Variants in MYO5B observed in about 807,000 individuals in gnomAD.
MYO5B encodes unconventional myosin-Vb.
A neutral mutation model predicts 229.3 loss-of-function variants in MYO5B; 143 were observed. That is an observed-to-expected ratio of 0.62 (90% CI 0.54 to 0.72). MYO5B has a LOEUF of 0.72. Among genes scored for constraint, MYO5B ranks in the 30% least tolerant of loss-of-function variants. MYO5B has a pLI of 0.00. For synonymous variants in MYO5B, 918 were observed against 885.2 expected, an observed-to-expected ratio of 1.04 and a Z score of -0.66; for missense variants, 2,321 against 2,331.0, an observed-to-expected ratio of 1.00 and a Z score of 0.09.
Position 49,823,144 on chromosome 18 carries a change from A to C in MYO5B, c.*3327T>G, listed in dbSNP as rs2023791404. On this transcript the variant is annotated 3_prime_UTR_variant, in exon 40 of 40. Coordinates refer to ENST00000285039, the MANE Select transcript of MYO5B (RefSeq NM_001080467.3). Reference sequence around the variant, plus strand: ...GTTAGAATTAGAAATTTTTTGAAAAACAATCTTTTGTATCTAATGACCTTT... The same window carrying C: ...GTTAGAATTAGAAATTTTTTGAAAACCAATCTTTTGTATCTAATGACCTTT... 1 of 152,232 alleles carries C rather than the reference A, an allele frequency of 6.6e-6. No individual in the cohort carries two copies. The highest frequency in any genetic ancestry group is 1.5e-5 in the Non-Finnish European group (1 of 68,046). The allele number at this position is 152,232 out of a possible 1,614,324, so 9.4% of individuals were successfully genotyped here.
At chr18:49,887,914 C>G (rs1021364121) in intron 22 of MYO5B, among the ~76,000 whole-genome samples, 1 of 152,048 alleles carries the variant, frequency 6.6e-6, no homozygotes, top group African/African-American at 2.4e-5. Context: ...TCTGGAACTC[C>G]TGACCTTGTG....
chr18:50,034,882 A>G (rs2026431603), intron 4 of MYO5B, among the ~76,000 whole-genome samples: 1 of 152,246 alleles, frequency 6.6e-6, no homozygotes, highest in Non-Finnish European at 1.5e-5. Context: ...TTAGGGACCC[A>G]GTGGTAAAAC....
intron 17 of MYO5B, among the ~76,000 whole-genome samples, chr18:49,915,413 C>T (rs1307782891): frequency 2.0e-5 from 3 of 152,206 alleles, no homozygotes; most frequent in South Asian, 2.1e-4. Context: ...CCGTATTCAG[C>T]TCAGAGCTCA....
chr18:49,971,767 T>C lies in MYO5B; in HGVS notation c.1322+2583A>G, dbSNP rs557276908. ...GCTAGCTTGTTCACTCTGAATTCCC[T>C]TGTATCTAACTTGTTATCCTTAACT... On this transcript the variant is annotated intron_variant, in intron 10 of 39. Coordinates refer to ENST00000285039, the MANE Select transcript of MYO5B (RefSeq NM_001080467.3). Among the ~76,000 whole-genome samples the C allele has an allele frequency of 1.2e-4, 19 of 152,356 alleles. No homozygotes were observed. The South Asian group carries it at 3.7e-3, about 30-fold the overall frequency.
chr18:50,117,464 T>C (rs1285688249), intron 1 of MYO5B, among the ~76,000 whole-genome samples: 1 of 152,136 alleles, frequency 6.6e-6, no homozygotes, highest in Non-Finnish European at 1.5e-5. Flanking sequence ...ACATTAGTTA[T>C]GGAATTTTCA....
At chr18:49,859,541 GC>G (rs1243775504) in intron 29 of MYO5B, among the ~76,000 whole-genome samples, 4 of 152,214 alleles carry the variant, frequency 2.6e-5, no homozygotes, top group African/African-American at 9.6e-5. Flanking sequence ...CAACCTCCTA[GC>G]ATATTCCCTG....
In MYO5B at chr18:49,937,963, T is replaced by C. The variant is rs534503365; in HGVS notation, c.1753-566A>G. Among the ~76,000 whole-genome samples the C allele has an allele frequency of 4.9e-4, 75 of 152,232 alleles. 4 individuals carry two copies. The South Asian group carries it at 0.015, about 31-fold the overall frequency. On this transcript the variant is annotated intron_variant, in intron 14 of 39. Coordinates refer to ENST00000285039, the MANE Select transcript of MYO5B (RefSeq NM_001080467.3). ...GTGAACATCCTGAAACCCAGTGAAT[T>C]GTGTGCTTCAAAAGGGTGAATTTTG...
At chr18:49,980,888 T>C (rs1198268767) in intron 8 of MYO5B, among the ~76,000 whole-genome samples, 1 of 152,206 alleles carries the variant, frequency 6.6e-6, no homozygotes, top group African/African-American at 2.4e-5. Context: ...ACCAAACACT[T>C]TATGGATGTT....
intron 14 of MYO5B, among the ~76,000 whole-genome samples, chr18:49,951,036 A>T (rs1440929921): frequency 6.6e-6 from 1 of 152,172 alleles, no homozygotes; most frequent in East Asian, 1.9e-4. Context: ...GTGCCTACAT[A>T]ATCAACCCCA....
chr18:50,055,346 C>A lies in MYO5B; in HGVS notation c.60G>T (p.Glu20Asp). The A allele has an allele frequency of 6.2e-7, 1 of 1,613,588 alleles. No individual in the cohort carries two copies. The highest frequency in any genetic ancestry group is 8.5e-7 in the Non-Finnish European group (1 of 1,179,886). Reference protein sequence around the residue: ...CTRVWIPDPDEVWRSAELTKD... With the variant: ...CTRVWIPDPDDVWRSAELTKD... ...TGGTTAACTCAGCTGAGCGCCATACCTCATCAGGGTCAGGGATCCAGACCC... is the reference window on the plus strand; with the variant it reads ...TGGTTAACTCAGCTGAGCGCCATACATCATCAGGGTCAGGGATCCAGACCC... The change falls in exon 2 of 40, where the codon GAG (glutamate) becomes GAT (aspartate). Residue 20 changes from glutamate (E) to aspartate (D), a missense_variant. By Grantham distance (45) the Glu-to-Asp change is conservative (BLOSUM62 2). Transcript: ENST00000285039.
intron 39 of MYO5B, among the ~76,000 whole-genome samples, chr18:49,832,308 T>C (rs1440065878): frequency 1.3e-5 from 2 of 152,170 alleles, no homozygotes; most frequent in South Asian, 2.1e-4. Context: ...CACTGGCACA[T>C]AGTAAGTGCT....
rs765201776 is a variant in MYO5B at position 49,980,484 on chromosome 18, G to A, written c.1016C>T (p.Ala339Val). 30 of 1,613,634 alleles carry A rather than the reference G, an allele frequency of 1.9e-5. No homozygotes were observed. The highest frequency in any genetic ancestry group is 5.0e-5 in the Admixed American group (3 of 59,964). The change falls in exon 9 of 40, where the codon GCG becomes GTG. Residue 339 changes from alanine (A) to valine (V), a missense_variant. Ala to Val is a moderately conservative substitution (Grantham distance 64). Around this residue, in one of 2 missense-constraint regions of MYO5B, gnomAD observed 2,113 missense variants for 2,044.7 expected, o/e 1.03. Coordinates refer to ENST00000285039, the MANE Select transcript of MYO5B (RefSeq NM_001080467.3). ...IASILHLGSVAIQAERDGDSC... is the reference protein window; with the variant it reads ...IASILHLGSVVIQAERDGDSC... ...ATCACCATCACGCTCAGCCTGAATCGCCACACTTCCAAGGTGCAAGATAGA... is the reference window on the plus strand; with the variant it reads ...ATCACCATCACGCTCAGCCTGAATCACCACACTTCCAAGGTGCAAGATAGA...
rs1413252998 is a variant in MYO5B at position 49,853,457 on chromosome 18, C to T, written c.4213G>A (p.Glu1405Lys). Residue 1405 changes from glutamate to lysine, a missense_variant, in exon 31 of 40, where the codon GAG (glutamate) becomes AAG (lysine). Glu to Lys is a moderately conservative substitution (Grantham distance 56, BLOSUM62 1). Transcript: ENST00000285039. ...VQQEISRLTN[E>K]NLDLKELVEK... The stretch of plus-strand genomic sequence containing the variant: ...TAGACATGGCTACCCACCAGATTCT[C>T]GTTGGTCAGCCGGGATATTTCCTGC... The T allele has an allele frequency of 2.5e-6, 4 of 1,614,130 alleles. No homozygotes were observed. In the South Asian group the frequency reaches 3.3e-5, roughly 13 times the overall value.
intron 16 of MYO5B, among the ~76,000 whole-genome samples, chr18:49,934,655 C>A (rs2025229976): frequency 6.6e-6 from 1 of 152,238 alleles, no homozygotes; most frequent in African/African-American, 2.4e-5. Flanking sequence ...ACAGCCTCTT[C>A]TCTTCTGGAG....
Position 49,993,097 on chromosome 18 carries a change from G to A in MYO5B, c.613-666C>T, listed in dbSNP as rs192955478. ...TAGACGATAATTTTTAAAATGAGTG[G>A]ATATGGGACTAATTTTATCGTGTGA... is the stretch of plus-strand genomic sequence containing the variant. On this transcript the variant is annotated intron_variant, in intron 5 of 39. Transcript: ENST00000285039. Among the ~76,000 whole-genome samples the A allele has an allele frequency of 6.9e-3, 1,044 of 152,146 alleles. 6 individuals carry two copies. Among genetic ancestry groups the A allele is most frequent in the Non-Finnish European group, 0.011 (756 of 68,012 alleles).
At chr18:50,133,332 C>G (rs933922688) in intron 1 of MYO5B, among the ~76,000 whole-genome samples, 4 of 152,152 alleles carry the variant, frequency 2.6e-5, no homozygotes, top group African/African-American at 9.7e-5. Context: ...ATACTACATC[C>G]CAAGATCAGA....
intron 1 of MYO5B, among the ~76,000 whole-genome samples, chr18:50,192,653 G>A (rs1406526534): frequency 6.6e-6 from 1 of 152,194 alleles, no homozygotes; most frequent in African/African-American, 2.4e-5. Flanking sequence ...AATTTTGCAA[G>A]AGTTTCTGTG....
At chr18:49,881,921 T>G (rs1325146486) in intron 22 of MYO5B, among the ~76,000 whole-genome samples, 1 of 152,200 alleles carries the variant, frequency 6.6e-6, no homozygotes, top group South Asian at 2.1e-4. Context: ...CTAAGAGAAT[T>G]TGAAATCATT....
intron 2 of MYO5B, among the ~76,000 whole-genome samples, chr18:50,054,449 C>T (rs368469175): frequency 6.6e-6 from 1 of 152,162 alleles, no homozygotes; most frequent in East Asian, 1.9e-4. Context: ...ATGTTCACTG[C>T]CCCCCTTTAG....
Sources: gnomAD v4.1 joint callset for allele counts (sites outside exome capture counted in the v4.1 genomes callset) on GRCh38, gnomAD v4.1.1 for gene constraint, gnomAD v4.1.1 regional missense constraint, MANE v1.5 for transcripts, NCBI Gene and HGNC (gene_info 2026-07-23, HGNC 2026-07-21) for gene names.